The following CCDC171 variants were observed in gnomAD, a reference collection of about 807,000 sequenced individuals.
CCDC171 encodes the protein coiled-coil domain containing 171, also known as coiled-coil domain-containing protein 171.
A neutral mutation model predicts 168.2 loss-of-function variants in CCDC171; 177 were observed. The ratio of observed to expected loss-of-function variants is 1.05; its 90% CI spans 0.93 to 1.19. The LOEUF (loss-of-function observed/expected upper bound fraction) is 1.19, where lower values mean the gene tolerates loss of function less well. CCDC171 is among the 50% of genes most tolerant of loss of function. CCDC171 has a pLI of 0.00. For synonymous variants in CCDC171, 687 were observed against 540.8 expected (o/e 1.27, Z -3.75); for missense variants, 1,991 against 1,539.0 (o/e 1.29, Z -4.91).
At chr9:15,687,155 A>G (rs562170197) in intron 10 of CCDC171, among the ~76,000 whole-genome samples, 1 of 152,372 alleles carries the variant, frequency 6.6e-6, no homozygotes, top group African/African-American at 2.4e-5. Context: ...ACACTCCTAA[A>G]TAACCAGCAA....
chr9:15,661,616 G>A (rs531424333), intron 8 of CCDC171, among the ~76,000 whole-genome samples: 1 of 152,294 alleles, frequency 6.6e-6, no homozygotes, highest in African/African-American at 2.4e-5. Flanking sequence ...GGAAAGTAGA[G>A]TACTAAGTAG....
At chr9:15,909,063 T>A (rs1245158293) in intron 24 of CCDC171, among the ~76,000 whole-genome samples, 2 of 152,158 alleles carry the variant, frequency 1.3e-5, no homozygotes, top group Non-Finnish European at 2.9e-5. Flanking sequence ...CGACTCCAAT[T>A]GAGTATATCA....
intron 1 of CCDC171, among the ~76,000 whole-genome samples, chr9:16,052,553 A>G (rs1349449502): frequency 6.6e-6 from 1 of 152,120 alleles, no homozygotes; most frequent in Non-Finnish European, 1.5e-5. Context: ...TCTGCATTAT[A>G]TATATTAGAA....
At chr9:15,632,246 C>T (rs866503467) in intron 7 of CCDC171, among the ~76,000 whole-genome samples, 6 of 146,246 alleles carry the variant, frequency 4.1e-5, no homozygotes, top group South Asian at 4.7e-4. Flanking sequence ...TGTTTGCAGA[C>T]AACATGATTG....
chr9:16,044,654 A>G (rs1446841235), intron 1 of CCDC171, among the ~76,000 whole-genome samples: 1 of 151,964 alleles, frequency 6.6e-6, no homozygotes, highest in African/African-American at 2.4e-5. Flanking sequence ...TTCCCTTCAC[A>G]TTGGAGACAT....
chr9:15,654,654 A>C lies in CCDC171; in HGVS notation c.823-2473A>C, dbSNP rs189288194. Among the ~76,000 whole-genome samples the C allele has an allele frequency of 1.2e-4, 19 of 152,256 alleles. No individual in the cohort carries two copies. In the East Asian group the frequency reaches 3.7e-3, roughly 29 times the overall value. On this transcript the variant is annotated intron_variant, in intron 7 of 25. Transcript: ENST00000380701. ...TTAATCAAGTTGAACATTAATAAAA[A>C]CTTGGCTAAGGGGGTGGAGCCAAGA...
At chr9:15,843,846 G>A (rs568345429) in intron 21 of CCDC171, among the ~76,000 whole-genome samples, 62 of 152,180 alleles carry the variant, frequency 4.1e-4, no homozygotes, top group Admixed American at 8.5e-4. Context: ...ATGAGCAGAA[G>A]GGCTTTGGGT....
At position 15,741,009 on chromosome 9, in the gene CCDC171, T is replaced by G. The variant is rs561319070; in HGVS notation, c.2050-3264T>G. On this transcript the variant is annotated intron_variant, in intron 16 of 25. Transcript: ENST00000380701. ...AGATTTTTTACATTTCAGGCCAAATTGATTCCTAAATTATTATATCTTTTT... is the reference window on the plus strand; with the variant it reads ...AGATTTTTTACATTTCAGGCCAAATGGATTCCTAAATTATTATATCTTTTT... 4.6e-5 allele frequency among the ~76,000 whole-genome samples: 7 copies of G among 152,342 alleles called. No homozygotes were observed. In the East Asian group the frequency reaches 1.3e-3, roughly 29 times the overall value.
At chr9:15,676,314 T>A (rs1277433619) in intron 9 of CCDC171, among the ~76,000 whole-genome samples, 2 of 152,152 alleles carry the variant, frequency 1.3e-5, no homozygotes. Context: ...TGTGATGGGT[T>A]AGAACATGCT....
At chr9:15,786,655 C>T (rs2057973195) in intron 21 of CCDC171, among the ~76,000 whole-genome samples, 1 of 152,086 alleles carries the variant, frequency 6.6e-6, no homozygotes, top group Non-Finnish European at 1.5e-5. Context: ...TCCAGATGGC[C>T]TATAGGAGCC....
intron 2 of CCDC171, among the ~76,000 whole-genome samples, chr9:15,568,784 T>A (rs777582643): frequency 9.2e-5 from 14 of 152,334 alleles, no homozygotes; most frequent in Non-Finnish European, 1.8e-4. Flanking sequence ...AAGTTGCTTA[T>A]AGATGCTGGA....
At chr9:15,575,757 T>C (rs911564573) in intron 3 of CCDC171, among the ~76,000 whole-genome samples, 1 of 152,208 alleles carries the variant, frequency 6.6e-6, no homozygotes, top group Non-Finnish European at 1.5e-5. Context: ...CACTTTTGAG[T>C]ATCATCAATA....
chr9:15,749,682 T>A (rs1194298533), intron 18 of CCDC171, among the ~76,000 whole-genome samples: 2 of 152,128 alleles, frequency 1.3e-5, no homozygotes, highest in Non-Finnish European at 2.9e-5. Context: ...TCTAAACCGC[T>A]CAACTACATG....
At chr9:15,730,991 A>G (rs546029136) in intron 16 of CCDC171, among the ~76,000 whole-genome samples, 13 of 152,012 alleles carry the variant, frequency 8.6e-5, no homozygotes, top group Non-Finnish European at 1.9e-4. Context: ...TGATATTTTG[A>G]TATATGCATA....
At chr9:15,958,913 A>C (rs1452790604) in intron 25 of CCDC171, among the ~76,000 whole-genome samples, 1 of 152,120 alleles carries the variant, frequency 6.6e-6, no homozygotes, top group Non-Finnish European at 1.5e-5. Context: ...GCAAGAAGAG[A>C]TATAGCAGGG....
rs79765885 is a variant in CCDC171 at position 15,776,872 on chromosome 9, A to G, written c.2672-728A>G. On this transcript the variant is annotated intron_variant, in intron 18 of 25. Coordinates refer to ENST00000380701, the MANE Select transcript of CCDC171 (RefSeq NM_173550.4). Reference sequence around the variant, plus strand: ...GTAGAATGTTATACTATGAATTTAAATAATCTTTCTGTGCTTGTCATTTTA... The same window carrying G: ...GTAGAATGTTATACTATGAATTTAAGTAATCTTTCTGTGCTTGTCATTTTA... 7.6e-3 allele frequency among the ~76,000 whole-genome samples: 1,164 copies of G among 152,348 alleles called. 9 individuals carry two copies. The highest frequency in any genetic ancestry group is 0.027 in the African/African-American group (1,108 of 41,576).
chr9:15,789,612 T>A (rs1001682721), intron 21 of CCDC171, among the ~76,000 whole-genome samples: 4 of 152,314 alleles, frequency 2.6e-5, no homozygotes, highest in African/African-American at 7.2e-5. Context: ...AATCTTTTTT[T>A]AAATTATACT....
At chr9:15,761,041 T>G (rs1262088380) in intron 18 of CCDC171, among the ~76,000 whole-genome samples, 1 of 152,232 alleles carries the variant, frequency 6.6e-6, no homozygotes, top group Non-Finnish European at 1.5e-5. Context: ...TTGATATGAC[T>G]GGTCGAGACT....
chr9:15,855,427 G>A (rs57149079), intron 23 of CCDC171, among the ~76,000 whole-genome samples: 1 of 151,580 alleles, frequency 6.6e-6, no homozygotes, highest in South Asian at 2.1e-4. Context: ...TTAACCTATT[G>A]GTGTCTTTGT....
Sources: gnomAD v4.1 joint callset for allele counts (sites outside exome capture counted in the v4.1 genomes callset) on GRCh38, gnomAD v4.1.1 for gene constraint, MANE v1.5 for transcripts, NCBI Gene and HGNC (gene_info 2026-07-23, HGNC 2026-07-21) for gene names.